NOC3L: variants seen among roughly 807,000 people sequenced by gnomAD.
The protein encoded by NOC3L is nucleolar complex protein 3 homolog.
Under a neutral mutation model 102.5 loss-of-function variants are expected in NOC3L, and 85 were observed. That is an observed-to-expected ratio of 0.83 (90% confidence interval 0.70 to 0.99). The LOEUF is 0.99. Among genes scored for constraint, NOC3L ranks in the 50% least tolerant of loss-of-function variants. NOC3L has a pLI of 0.00. For missense variants in NOC3L, 878 were observed against 914.9 expected (o/e 0.96, Z 0.52); for synonymous variants, 303 against 309.4 (o/e 0.98, Z 0.22).
chr10:94,324,914 A>G, the NOC3L span: 1 of 1,614,216 alleles, frequency 6.2e-7, no homozygotes, highest in Non-Finnish European at 8.5e-7. Context: ...GATAAAAAGA[A>G]AGGCATTTCT....
Position 94,344,875 on chromosome 10 carries a change from C to T in NOC3L, c.1448G>A (p.Ser483Asn), listed in dbSNP as rs752007218. The stretch of plus-strand genomic sequence containing the variant: ...TACCAGTTTAAGTTTTTTCTCAGTA[C>T]TCTCTGAAGCTTCTGCCTCTCGAAG... ...RELREAEASE[S>N]TEKKLKLHTE... is the part of the protein sequence containing the mutation. Residue 483 changes from serine to asparagine, a missense_variant, in exon 12 of 21, where the codon AGT becomes AAT. Transcript: ENST00000371361. 1 of 1,608,616 alleles carries T rather than the reference C, an allele frequency of 6.2e-7. No homozygotes were observed. The highest frequency in any genetic ancestry group is 8.5e-7 in the Non-Finnish European group (1 of 1,178,720).
At chr10:94,356,618 C>T (rs1488818372) in intron 4 of NOC3L, 27 bp from the exon 5 acceptor site, 1 of 1,312,224 alleles carries the variant, frequency 7.6e-7, no homozygotes, top group African/African-American at 1.5e-5. Context: ...TGTATTAAAA[C>T]TGTGATATAT....
At chr10:94,329,776 C>CAAAAAAAAAAAAAAAAAAAAAAA (rs71031569), downstream of NOC3L, 1 of 37,950 alleles carries the variant, frequency 2.6e-5, no homozygotes, top group Non-Finnish European at 4.6e-5. Flanking sequence ...GACTCCGTCT[C>CAAAAAAAAAAAAAAAAAAAAAAA]AAAAAAAAAA....
At chr10:94,331,342 C>T (rs2133972001), downstream of NOC3L, 1 of 152,312 alleles carries the variant, frequency 6.6e-6, no homozygotes, top group South Asian at 2.1e-4. Context: ...CCCTTCCTTT[C>T]TTCTCTCCTC....
Position 94,361,873 on chromosome 10 carries a change from C to G in NOC3L, c.10-1G>C. On this transcript the variant is annotated splice_acceptor_variant, in intron 1 of 20. Coordinates refer to ENST00000371361, the MANE Select transcript of NOC3L (RefSeq NM_022451.11). LOFTEE classifies it high-confidence loss of function. The stretch of plus-strand genomic sequence containing the variant: ...TTGGGATCTGTTTTTTATTTCTTCT[C>G]TAGAAAATAACAGAAAGAATACTGC... 1.3e-6 allele frequency: 2 copies of G among 1,596,568 alleles called. No individual in the cohort carries two copies. The highest frequency in any genetic ancestry group is 1.7e-6 in the Non-Finnish European group (2 of 1,167,162).
intron 17 of NOC3L, 70 bp downstream of exon 17, chr10:94,339,669 G>A: frequency 8.2e-7 from 1 of 1,220,458 alleles, no homozygotes. Flanking sequence ...GGGGGGAAAA[G>A]ACATGCCTCA....
rs1441145398 is a variant in NOC3L, at chr10:94,353,055, A to C, written c.699T>G (p.Ile233Met). Residue 233 changes from isoleucine (I) to methionine (M), a missense_variant and splice_region_variant, in exon 7 of 21, where the codon ATT becomes ATG. Coordinates refer to ENST00000371361, the MANE Select transcript of NOC3L (RefSeq NM_022451.11). The stretch of plus-strand genomic sequence containing the variant: ...TAGAACGTAATTCTTTCAATTTTTT[A>C]ATCTGTTAAAGAAATAGCTTATAAA... ...SAILSDPENN[I>M]KKLKELRSML... 2 of 1,601,604 alleles carry C rather than the reference A, an allele frequency of 1.2e-6. No individual in the cohort carries two copies. The highest frequency in any genetic ancestry group is 1.1e-5 in the South Asian group (1 of 88,130).
At chr10:94,350,397 CAT>C in intron 8 of NOC3L, 109 bp from the exon 9 acceptor site, 2 of 893,486 alleles carry the variant, frequency 2.2e-6, no homozygotes, top group Non-Finnish European at 3.5e-6. Flanking sequence ...CACACACACA[CAT>C]TCCCACACCC....
In NOC3L at chr10:94,341,762, C is replaced by T; in HGVS notation, c.1572-17G>A. 3 of 1,444,618 alleles carry T rather than the reference C, an allele frequency of 2.1e-6. No homozygotes were observed. Among genetic ancestry groups the T allele is most frequent in the South Asian group, 1.4e-5 (1 of 71,376 alleles). The allele number at this position is 1,444,618 out of a possible 1,614,324, so 89.5% of individuals were successfully genotyped here. A position where few individuals can be genotyped will look rare whatever the true frequency, so the allele number is the denominator to read the frequency against. On this transcript the variant is annotated splice_polypyrimidine_tract_variant and intron_variant, in intron 13 of 20. Transcript: ENST00000371361. ...TGAGCAAACCTGGAATCAAACAAAACAGTTAATCAGTGAACTAAAAGCAGA... is the reference window on the plus strand; with the variant it reads ...TGAGCAAACCTGGAATCAAACAAAATAGTTAATCAGTGAACTAAAAGCAGA...
intron 5 of NOC3L, among the ~76,000 whole-genome samples, chr10:94,355,446 A>G (rs2054472342): frequency 6.6e-6 from 1 of 151,026 alleles, no homozygotes; most frequent in Non-Finnish European, 1.5e-5. Context: ...GCTGGAGTAC[A>G]GTGGCACTAT....
the NOC3L span, among the ~76,000 whole-genome samples, chr10:94,317,698 CTGAT>C: frequency 5.3e-5 from 8 of 152,184 alleles, no homozygotes; most frequent in African/African-American, 1.9e-4. Context: ...TGACTCCAAA[CTGAT>C]TGGCTCCTGT....
rs1247954972 is a variant in NOC3L at position 94,333,768 on chromosome 10, G to A, written c.*409C>T. 1.3e-5 allele frequency: 2 copies of A among 152,684 alleles called. No individual in the cohort carries two copies. The highest frequency in any genetic ancestry group is 4.8e-5 in the African/African-American group (2 of 41,396). The allele number at this position is 152,684 out of a possible 1,614,324, so 9.5% of individuals were successfully genotyped here. A position where few individuals can be genotyped will look rare whatever the true frequency, so the allele number is the denominator to read the frequency against. ...GTATTGAAATAAAAATATTTAAAGAGTATTTAGTTATAAAAAGTAGCTAAA... is the reference window on the plus strand; with the variant it reads ...GTATTGAAATAAAAATATTTAAAGAATATTTAGTTATAAAAAGTAGCTAAA... On this transcript the variant is annotated 3_prime_UTR_variant, in exon 21 of 21. Coordinates refer to ENST00000371361, the MANE Select transcript of NOC3L (RefSeq NM_022451.11).
chr10:94,346,467 A>G lies in NOC3L; in HGVS notation c.1347T>C (p.Thr449=). 1 of 1,516,772 alleles carries G rather than the reference A, an allele frequency of 6.6e-7. No individual in the cohort carries two copies. 94.0% of individuals were successfully genotyped at this position (1,516,772 alleles called of 1,614,324 possible). A position where few individuals can be genotyped will look rare whatever the true frequency, so the allele number is the denominator to read the frequency against. Residue 449 remains threonine (T), a synonymous_variant, in exon 11 of 21, where the codon ACT becomes ACC. Coordinates refer to ENST00000371361, the MANE Select transcript of NOC3L (RefSeq NM_022451.11). ...EDINKPKKFM[T]FKEKRKSLSR... is the part of the protein sequence containing the mutation. ...ATAGAGATTTTCTCTTTTCTTTGAA[A>G]GTCATAAATTTTTTTGGTTTATTAA...
At chr10:94,316,621 T>C in the NOC3L span, 1 of 1,608,172 alleles carries the variant, frequency 6.2e-7, no homozygotes, top group Non-Finnish European at 8.5e-7. Context: ...ATTTTATATC[T>C]AAAGAAAAGA....
chr10:94,322,358 G>GA, the NOC3L span, among the ~76,000 whole-genome samples: 213 of 145,940 alleles, frequency 1.5e-3, 1 homozygote, highest in East Asian at 5.8e-3. Context: ...GTCTCTAATT[G>GA]AAAAAAAAAA....
the NOC3L span, among the ~76,000 whole-genome samples, chr10:94,322,837 T>A: frequency 6.6e-6 from 1 of 150,966 alleles, no homozygotes; most frequent in East Asian, 1.9e-4. Flanking sequence ...GCACCTGTAG[T>A]CCCTGCTACT....
In NOC3L at chr10:94,349,346, T is replaced by C; in HGVS notation, c.1161A>G (p.Lys387=). Reference sequence around the variant, plus strand: ...GGCCTAATTTATCTTGCTTAAAGAGTTTCTTCACAGCTTCACAACACATTT... The same window carrying C: ...GGCCTAATTTATCTTGCTTAAAGAGCTTCTTCACAGCTTCACAACACATTT... The part of the protein sequence containing the change: ...ISEMCCEAVK[K]LFKQDKLGQA... Residue 387 remains lysine (K), a synonymous_variant, in exon 10 of 21, where the codon AAA becomes AAG. Transcript: ENST00000371361. 6.3e-7 allele frequency: 1 copy of C among 1,581,010 alleles called. No individual in the cohort carries two copies. Among genetic ancestry groups the C allele is most frequent in the Non-Finnish European group, 8.5e-7 (1 of 1,171,456 alleles).
chr10:94,349,568 C>A (rs7085378), intron 9 of NOC3L, among the ~76,000 whole-genome samples, 190 bp from the exon 10 acceptor site: 47,193 of 151,826 alleles, frequency 0.31, 7,745 homozygotes, highest in Middle Eastern at 0.47. Context: ...AAATGTATGC[C>A]GACATTGCCT....
the NOC3L span, among the ~76,000 whole-genome samples, chr10:94,326,279 CAATT>C: frequency 6.6e-6 from 1 of 152,282 alleles, no homozygotes; most frequent in African/African-American, 2.4e-5. Flanking sequence ...CAGAAACTCA[CAATT>C]AAAGAACTCA....
Sources: gnomAD v4.1 joint callset for allele counts (sites outside exome capture counted in the v4.1 genomes callset) on GRCh38, gnomAD v4.1.1 for gene constraint, MANE v1.5 for transcripts, NCBI Gene and HGNC (gene_info 2026-07-23, HGNC 2026-07-21) for gene names.